The following FGF1 variants were observed in gnomAD, a reference collection of about 807,000 sequenced individuals.
FGF1 encodes the protein fibroblast growth factor 1.
In FGF1, 9 loss-of-function variants were observed where a neutral mutation model predicts 13.4. That is an observed-to-expected ratio of 0.67 (90% CI 0.40 to 1.17). The LOEUF (loss-of-function observed/expected upper bound fraction) is 1.17, where lower values mean the gene tolerates loss of function less well. Ranked by LOEUF, FGF1 falls within the 50% of genes most tolerant of loss-of-function variation. The pLI is 0.01. For synonymous variants in FGF1, 93 were observed against 79.0 expected, an observed-to-expected ratio of 1.18 and a Z score of -0.94; for missense variants, 156 against 192.7, an observed-to-expected ratio of 0.81 and a Z score of 1.13.
At chr5:142,654,127 A>G (rs980967257) in intron 1 of FGF1, among the ~76,000 whole-genome samples, 1 of 152,144 alleles carries the variant, frequency 6.6e-6, no homozygotes, top group Non-Finnish European at 1.5e-5. Flanking sequence ...TAATTCTAAC[A>G]TCTCATTTAC....
chr5:142,628,051 A>G (rs1762755532), intron 1 of FGF1, among the ~76,000 whole-genome samples: 1 of 152,172 alleles, frequency 6.6e-6, no homozygotes, highest in Admixed American at 6.5e-5. Context: ...TGGGAAGGAG[A>G]TGATGCAAGA....
chr5:142,696,223 T>G (rs887021989), intron 2 of FGF1, among the ~76,000 whole-genome samples: 1 of 152,200 alleles, frequency 6.6e-6, no homozygotes, highest in African/African-American at 2.4e-5. Flanking sequence ...CACTAATACA[T>G]TTTTATGGCA....
chr5:142,697,075 G>A (rs1286898038), intron 2 of FGF1, among the ~76,000 whole-genome samples: 1 of 152,128 alleles, frequency 6.6e-6, no homozygotes, highest in African/African-American at 2.4e-5. Flanking sequence ...TATTCCTCTT[G>A]TTTTCAACCA....
chr5:142,640,738 C>T (rs887748118), intron 1 of FGF1, among the ~76,000 whole-genome samples: 1 of 151,978 alleles, frequency 6.6e-6, no homozygotes, highest in African/African-American at 2.4e-5. Context: ...TGTCCTCATC[C>T]CCACCAAACC....
At chr5:142,635,665 C>T (rs1442797985) in intron 1 of FGF1, among the ~76,000 whole-genome samples, 1 of 152,154 alleles carries the variant, frequency 6.6e-6, no homozygotes, top group African/African-American at 2.4e-5. Context: ...AGCTTTCTTC[C>T]CCAAAGTAGG....
chr5:142,665,560 G>T (rs1770146648), intron 1 of FGF1, among the ~76,000 whole-genome samples: 1 of 152,068 alleles, frequency 6.6e-6, no homozygotes, highest in African/African-American at 2.4e-5. Context: ...CTGGCTCACT[G>T]CATCCAGCTA....
At chr5:142,673,396 C>A (rs9687118) in intron 1 of FGF1, among the ~76,000 whole-genome samples, 1 of 152,130 alleles carries the variant, frequency 6.6e-6, no homozygotes, top group Non-Finnish European at 1.5e-5. Context: ...TATTTACACA[C>A]CATTCAGAAA....
rs746362265 is a variant in FGF1, at chr5:142,613,912, C to T, written c.169+47G>A. Reference sequence around the variant, plus strand: ...GTGCACCTTCCTCCCACCTTGACTACAGAAGATGTCAGAAAGGGAAGGGGG... The same window carrying T: ...GTGCACCTTCCTCCCACCTTGACTATAGAAGATGTCAGAAAGGGAAGGGGG... On this transcript the variant is annotated intron_variant, in intron 2 of 3. Transcript: ENST00000337706. 29 of 1,594,712 alleles carry T rather than the reference C, an allele frequency of 1.8e-5. No individual in the cohort carries two copies. In the South Asian group the frequency reaches 2.5e-4, roughly 14 times the overall value.
At chr5:142,622,685 T>C (rs747188221) in intron 1 of FGF1, among the ~76,000 whole-genome samples, 13 of 152,342 alleles carry the variant, frequency 8.5e-5, no homozygotes, top group Non-Finnish European at 1.9e-4. Flanking sequence ...TGCCACAGCG[T>C]GTTAGGCTGG....
intron 1 of FGF1, among the ~76,000 whole-genome samples, chr5:142,625,558 C>T (rs1762322787): frequency 6.6e-6 from 1 of 152,176 alleles, no homozygotes; most frequent in Non-Finnish European, 1.5e-5. Flanking sequence ...TGCCGGCCCC[C>T]ATTCTGTCTG....
intron 1 of FGF1, among the ~76,000 whole-genome samples, chr5:142,663,210 A>G (rs1172893020): frequency 1.3e-5 from 2 of 151,822 alleles, no homozygotes; most frequent in Non-Finnish European, 2.9e-5. Context: ...AAAGATTCCG[A>G]AGGACAGAGG....
chr5:142,608,583 T>G (rs202246396), intron 2 of FGF1, among the ~76,000 whole-genome samples: 1 of 59,854 alleles, frequency 1.7e-5, no homozygotes, highest in Non-Finnish European at 3.3e-5. Context: ...TATATATATA[T>G]ACACACACAC....
chr5:142,592,482 C>T lies in FGF1; in HGVS notation c.*2808G>A, dbSNP rs556086885. On this transcript the variant is annotated 3_prime_UTR_variant, in exon 4 of 4. Coordinates refer to ENST00000337706, the MANE Select transcript of FGF1 (RefSeq NM_000800.5). ...AACCAATACCTACCTCCACCACCAT[C>T]ACATTGCAAACGACCAAAAGCACAT... The T allele has an allele frequency of 2.5e-6, 1 of 398,430 alleles. No individual in the cohort carries two copies. Among genetic ancestry groups the T allele is most frequent in the Admixed American group, 4.4e-5 (1 of 22,724 alleles). 24.7% of individuals were successfully genotyped at this position (398,430 alleles called of 1,614,324 possible).
upstream of FGF1, among the ~76,000 whole-genome samples, chr5:142,686,950 G>A (rs1354735597): frequency 6.6e-6 from 1 of 152,220 alleles, no homozygotes; most frequent in Non-Finnish European, 1.5e-5. Context: ...GGAGGGAGCT[G>A]TCTGGACAAA....
At chr5:142,600,080 A>G (rs1249734457) in intron 3 of FGF1, among the ~76,000 whole-genome samples, 1 of 152,254 alleles carries the variant, frequency 6.6e-6, no homozygotes, top group African/African-American at 2.4e-5. Flanking sequence ...CTAGGTACTC[A>G]AGAAACATTT....
At chr5:142,663,426 T>C (rs1769663517) in intron 1 of FGF1, among the ~76,000 whole-genome samples, 1 of 152,102 alleles carries the variant, frequency 6.6e-6, no homozygotes, top group African/African-American at 2.4e-5. Flanking sequence ...TTTGAGAAGA[T>C]GGGAAAGTAT....
intron 1 of FGF1, among the ~76,000 whole-genome samples, chr5:142,671,528 A>G (rs1346949143): frequency 6.6e-6 from 1 of 152,238 alleles, no homozygotes; most frequent in Non-Finnish European, 1.5e-5. Context: ...TTTCTAATCC[A>G]ATAAACCTGG....
At chr5:142,679,160 C>T (rs1341013739) in intron 1 of FGF1, among the ~76,000 whole-genome samples, 5 of 152,278 alleles carry the variant, frequency 3.3e-5, no homozygotes, top group African/African-American at 4.8e-5. Context: ...TCAGTATGGC[C>T]GCACAGTCTG....
intron 1 of FGF1, among the ~76,000 whole-genome samples, chr5:142,620,150 G>T (rs1761238643): frequency 6.6e-6 from 1 of 152,156 alleles, no homozygotes; most frequent in Non-Finnish European, 1.5e-5. Flanking sequence ...GGGCGCGGTG[G>T]CTCACGCCTG....
Sources: gnomAD v4.1 joint callset for allele counts (sites outside exome capture counted in the v4.1 genomes callset) on GRCh38, gnomAD v4.1.1 for gene constraint, MANE v1.5 for transcripts, NCBI Gene and HGNC (gene_info 2026-07-23, HGNC 2026-07-21) for gene names.